Variants in PHLPP2 observed in about 807,000 individuals in gnomAD.
PHLPP2 encodes the protein PH domain and leucine rich repeat protein phosphatase 2, also known as PH domain leucine-rich repeat-containing protein phosphatase 2.
PHLPP2 carries 66 observed loss-of-function variants against 124.9 expected under a neutral mutation model. The ratio of observed to expected loss-of-function variants is 0.53; its 90% confidence interval spans 0.43 to 0.65. PHLPP2 has a LOEUF of 0.65. Ranked by LOEUF, PHLPP2 falls within the 30% of genes least tolerant of loss-of-function variation. The pLI is 0.00. For synonymous variants in PHLPP2, 681 were observed against 624.7 expected (o/e 1.09, Z -1.34); for missense variants, 1,685 against 1,600.4 (o/e 1.05, Z -0.90).
intron 1 of PHLPP2, chr16:71,723,781 G>C (rs2045414668): frequency 7.5e-7 from 1 of 1,337,700 alleles, no homozygotes; most frequent in Non-Finnish European, 9.7e-7. Flanking sequence ...TCAGGACCCG[G>C]ATCCCTCCCG....
intron 5 of PHLPP2, among the ~76,000 whole-genome samples, chr16:71,684,125 C>CTTT (rs397816254): frequency 9.3e-5 from 11 of 118,830 alleles, no homozygotes; most frequent in Non-Finnish European, 1.0e-4. Context: ...TTGAGGTACT[C>CTTT]TTTTTTTTTT....
intron 3 of PHLPP2, among the ~76,000 whole-genome samples, chr16:71,692,699 A>C (rs961166154): frequency 6.6e-6 from 1 of 152,204 alleles, no homozygotes; most frequent in African/African-American, 2.4e-5. Context: ...ATATAAAATG[A>C]AATGGTATTT....
intron 3 of PHLPP2, among the ~76,000 whole-genome samples, chr16:71,700,063 A>T (rs916703995): frequency 6.6e-6 from 1 of 152,162 alleles, no homozygotes; most frequent in Non-Finnish European, 1.5e-5. Context: ...CCCTGTCACA[A>T]GTCCCAAAGA....
chr16:71,674,393 T>TC (rs1322987648), intron 9 of PHLPP2, among the ~76,000 whole-genome samples: 2 of 151,738 alleles, frequency 1.3e-5, no homozygotes, highest in African/African-American at 4.8e-5. Flanking sequence ...TTTTTTTTTT[T>TC]TTTTTAAAGA....
Position 71,649,949 on chromosome 16 carries a change from A to G in PHLPP2, c.2913T>C (p.Thr971=). The G allele has an allele frequency of 6.2e-7, 1 of 1,614,116 alleles. No homozygotes were observed. The highest frequency in any genetic ancestry group is 8.5e-7 in the Non-Finnish European group (1 of 1,179,994). ...WILPKPHISS[T]PLTIQDELLI... is the part of the protein sequence containing the mutation. ...GCAACTCATCTTGAATGGTCAGCGG[A>G]GTGGAAGATATGTGGGGCTTGGGGA... Residue 971 remains threonine, a synonymous_variant, in exon 19 of 19, where the codon ACT becomes ACC. Transcript: ENST00000568954.
chr16:71,713,613 A>C (rs187311764), intron 2 of PHLPP2, among the ~76,000 whole-genome samples: 1 of 152,178 alleles, frequency 6.6e-6, no homozygotes, highest in African/African-American at 2.4e-5. Context: ...GTAGACTCAA[A>C]ATTGAACACT....
chr16:71,709,468 G>T (rs977753914), intron 2 of PHLPP2, among the ~76,000 whole-genome samples: 1 of 151,994 alleles, frequency 6.6e-6, no homozygotes, highest in East Asian at 1.9e-4. Flanking sequence ...AAAAACAGTT[G>T]GTTATTTCGA....
chr16:71,702,791 AT>A, intron 2 of PHLPP2, 60 bp from the exon 3 acceptor site: 1 of 925,910 alleles, frequency 1.1e-6, no homozygotes, highest in Non-Finnish European at 1.5e-6. Context: ...GGTTCATTTA[AT>A]TTTTTAGTAT....
At chr16:71,688,396 T>A (rs1412371014) in intron 4 of PHLPP2, among the ~76,000 whole-genome samples, 1 of 152,240 alleles carries the variant, frequency 6.6e-6, no homozygotes, top group Non-Finnish European at 1.5e-5. Context: ...ACTGTATTTT[T>A]ATTTCCAATA....
chr16:71,668,305 A>C (rs964670915), intron 11 of PHLPP2, among the ~76,000 whole-genome samples: 2 of 149,974 alleles, frequency 1.3e-5, no homozygotes, highest in African/African-American at 4.9e-5. Context: ...AGTCCCAGCT[A>C]CTCCGGAAGC....
intron 3 of PHLPP2, among the ~76,000 whole-genome samples, chr16:71,696,972 C>T (rs527358357): frequency 1.3e-5 from 2 of 151,850 alleles, no homozygotes; most frequent in South Asian, 4.2e-4. Flanking sequence ...GTCAGGAATT[C>T]GAGACCTGGC....
intron 2 of PHLPP2, among the ~76,000 whole-genome samples, chr16:71,705,209 A>T (rs2045265072): frequency 6.6e-6 from 1 of 152,226 alleles, no homozygotes; most frequent in African/African-American, 2.4e-5. Flanking sequence ...GCATTTCAGA[A>T]ATCAAGGGTC....
chr16:71,675,814 T>C (rs1242804629), intron 9 of PHLPP2, among the ~76,000 whole-genome samples: 1 of 152,276 alleles, frequency 6.6e-6, no homozygotes, highest in East Asian at 1.9e-4. Flanking sequence ...ACCTCTGCCT[T>C]CCAGGCTCAA....
At chr16:71,724,212 AAG>A (rs2045419267) in intron 1 of PHLPP2, 115 bp downstream of exon 1, 1 of 152,228 alleles carries the variant, frequency 6.6e-6, no homozygotes, top group East Asian at 1.9e-4. Flanking sequence ...CCGCGGGAGA[AAG>A]AAGCAGGTGG....
intron 10 of PHLPP2, among the ~76,000 whole-genome samples, chr16:71,671,838 C>T (rs1414078873): frequency 6.6e-6 from 1 of 151,838 alleles, no homozygotes; most frequent in Non-Finnish European, 1.5e-5. Context: ...GACGTGAACC[C>T]GGGAGGCAGA....
At position 71,684,550 on chromosome 16, in the gene PHLPP2, C is replaced by A. The variant is rs762604711; in HGVS notation, c.661G>T (p.Ala221Ser). 1 of 1,613,860 alleles carries A rather than the reference C, an allele frequency of 6.2e-7. No individual in the cohort carries two copies. The highest frequency in any genetic ancestry group is 1.1e-5 in the South Asian group (1 of 91,060). Residue 221 changes from alanine (A) to serine (S), a missense_variant, in exon 5 of 19, where the codon GCC (alanine) becomes TCC (serine). By Grantham distance (99) the Ala-to-Ser change is moderately conservative. Coordinates refer to ENST00000568954, the MANE Select transcript of PHLPP2 (RefSeq NM_015020.3). ...QYSLAFSSAG[A>S]QAQTYHVSFE... ...CTGACATGATAGGTCTGAGCTTGGGCTCCTGCTGAGCTGAAAGCAAGGGAG... is the reference window on the plus strand; with the variant it reads ...CTGACATGATAGGTCTGAGCTTGGGATCCTGCTGAGCTGAAAGCAAGGGAG...
chr16:71,700,027 C>T (rs555785422), intron 3 of PHLPP2, among the ~76,000 whole-genome samples: 11 of 152,236 alleles, frequency 7.2e-5, no homozygotes, highest in Non-Finnish European at 1.3e-4. Flanking sequence ...AGGGGTTGAG[C>T]GGGGTGGGCT....
chr16:71,654,667 CGTTAG>C (rs2044727205), intron 17 of PHLPP2, among the ~76,000 whole-genome samples: 1 of 152,138 alleles, frequency 6.6e-6, no homozygotes, highest in African/African-American at 2.4e-5. Context: ...CCATGATGTT[CGTTAG>C]GTTAGGTGTA....
At chr16:71,678,650 C>A in intron 8 of PHLPP2, 105 bp downstream of exon 8, 1 of 705,268 alleles carries the variant, frequency 1.4e-6, no homozygotes, top group Admixed American at 2.7e-5. Context: ...AAAACAACAA[C>A]AAAATTTTAA....
Sources: allele counts gnomAD v4.1 joint callset (sites outside exome capture counted in the v4.1 genomes callset), GRCh38; gene constraint gnomAD v4.1.1; transcripts MANE v1.5; gene names NCBI Gene and HGNC (gene_info 2026-07-23, HGNC 2026-07-21).